CNTN6: variants seen among roughly 807,000 people sequenced by gnomAD.
CNTN6 encodes the protein contactin 6, also known as contactin-6.
Under a neutral mutation model 122.8 loss-of-function variants are expected in CNTN6, and 137 were observed. That is an observed-to-expected ratio of 1.12 (90% CI 0.97 to 1.29). The LOEUF (loss-of-function observed/expected upper bound fraction) is 1.29. Among genes scored for constraint, CNTN6 ranks in the 50% most tolerant of loss-of-function variants. CNTN6 has a pLI of 0.00. For missense variants in CNTN6, 1,634 were observed against 1,223.4 expected (o/e 1.34, Z -5.01); for synonymous variants, 570 against 426.0 (o/e 1.34, Z -4.16).
rs567156720 is a variant in CNTN6 at position 1,361,282 on chromosome 3, G to A, written c.1492+8831G>A. On this transcript the variant is annotated intron_variant, in intron 12 of 22. Transcript: ENST00000446702. ...TGGAAACCCAGTAATAGCTTCAAAA[G>A]CATTTGTCCTAATTCTTTGTTTCCC... Among the ~76,000 whole-genome samples the A allele has an allele frequency of 3.3e-5, 5 of 152,038 alleles. No homozygotes were observed. In the East Asian group the frequency reaches 7.7e-4, roughly 23 times the overall value.
chr3:1,179,423 G>T (rs545251094), intron 2 of CNTN6, among the ~76,000 whole-genome samples: 6 of 152,234 alleles, frequency 3.9e-5, no homozygotes, highest in African/African-American at 1.4e-4. Context: ...GCCCGGGAGC[G>T]TGGTGGTAAG....
At chr3:1,373,025 G>C in intron 14 of CNTN6, 70 bp downstream of exon 14, 2 of 884,640 alleles carry the variant, frequency 2.3e-6, no homozygotes, top group Non-Finnish European at 3.6e-6. Flanking sequence ...CTAAATTGTA[G>C]ACCTCTGAGA....
chr3:1,251,722 C>T (rs1310828541), intron 4 of CNTN6, among the ~76,000 whole-genome samples: 1 of 152,054 alleles, frequency 6.6e-6, no homozygotes, highest in Non-Finnish European at 1.5e-5. Flanking sequence ...TTGCCGGCAT[C>T]TTCAGTCTAG....
At chr3:1,297,630 G>GTTTTTTTTTT (rs1410740351) in intron 6 of CNTN6, among the ~76,000 whole-genome samples, 1 of 128,348 alleles carries the variant, frequency 7.8e-6, no homozygotes. Flanking sequence ...CGTTGTTGTT[G>GTTTTTTTTTT]TTTTTTTCTT....
Position 1,374,078 on chromosome 3 carries a change from A to G in CNTN6, c.2095+5A>G. 2.5e-6 allele frequency: 4 copies of G among 1,612,158 alleles called. No individual in the cohort carries two copies. The highest frequency in any genetic ancestry group is 3.4e-6 in the Non-Finnish European group (4 of 1,178,610). ...TGTTAAGAACTAAAGCATCAGGTAA[A>G]GAATCAATGTGTTCTAAAAGTGTGG... On this transcript the variant is annotated splice_donor_5th_base_variant and intron_variant, in intron 16 of 22. Transcript: ENST00000446702.
intron 1 of CNTN6, among the ~76,000 whole-genome samples, chr3:1,140,021 A>G (rs2092572192): frequency 1.3e-5 from 2 of 152,192 alleles, no homozygotes; most frequent in Admixed American, 1.3e-4. Context: ...TCTAGTTTAT[A>G]TTAACAATAT....
intron 1 of CNTN6, among the ~76,000 whole-genome samples, chr3:1,113,178 A>G (rs929067016): frequency 6.6e-6 from 1 of 152,194 alleles, no homozygotes; most frequent in Admixed American, 6.6e-5. Flanking sequence ...TAGAAGTAAT[A>G]TATTGCCTGT....
chr3:1,160,367 TAC>T (rs199666539), intron 2 of CNTN6, among the ~76,000 whole-genome samples: 196 of 112,278 alleles, frequency 1.7e-3, no homozygotes, highest in African/African-American at 2.3e-3. Context: ...TATATATATA[TAC>T]ACACTACCTA....
chr3:1,243,044 T>C (rs985491881), intron 4 of CNTN6, among the ~76,000 whole-genome samples: 29 of 152,116 alleles, frequency 1.9e-4, no homozygotes, highest in Non-Finnish European at 8.8e-5. Flanking sequence ...CTACGGGGCT[T>C]CCAAGGCAAT....
intron 5 of CNTN6, among the ~76,000 whole-genome samples, chr3:1,289,676 GTTTTTT>G (rs11438242): frequency 7.3e-6 from 1 of 137,810 alleles, no homozygotes; most frequent in Non-Finnish European, 1.5e-5. Flanking sequence ...GTTTTTTTGG[GTTTTTT>G]TTTTTTTTTT....
At chr3:1,365,676 A>G (rs1708114663) in intron 12 of CNTN6, among the ~76,000 whole-genome samples, 1 of 152,072 alleles carries the variant, frequency 6.6e-6, no homozygotes, top group Admixed American at 6.6e-5. Flanking sequence ...AAATAAATAA[A>G]CTTACTTTTA....
chr3:1,151,056 CTT>C (rs539202210), intron 2 of CNTN6, among the ~76,000 whole-genome samples: 1 of 152,086 alleles, frequency 6.6e-6, no homozygotes, highest in South Asian at 2.1e-4. Context: ...CTGCCTGCAC[CTT>C]TTTTCAGCCC....
chr3:1,344,183 G>T (rs1020887969), intron 11 of CNTN6, among the ~76,000 whole-genome samples: 1 of 152,052 alleles, frequency 6.6e-6, no homozygotes, highest in Non-Finnish European at 1.5e-5. Flanking sequence ...TATCTTGGTG[G>T]GGTTCCGCAG....
chr3:1,368,700 C>T (rs185584516), intron 12 of CNTN6, among the ~76,000 whole-genome samples: 92 of 151,832 alleles, frequency 6.1e-4, no homozygotes, highest in Non-Finnish European at 1.1e-3. Context: ...GATATAACCT[C>T]AATAAAGTAT....
chr3:1,402,529 C>T (rs186883843), intron 22 of CNTN6, 43 bp downstream of exon 22: 3 of 1,507,110 alleles, frequency 2.0e-6, no homozygotes, highest in Non-Finnish European at 2.7e-6. Context: ...TGAACCTAGA[C>T]AGCTGCAGCA....
chr3:1,393,705 T>C (rs1243194271), intron 20 of CNTN6, among the ~76,000 whole-genome samples: 1 of 151,584 alleles, frequency 6.6e-6, no homozygotes, highest in East Asian at 1.9e-4. Context: ...AGTGCAGTTA[T>C]TGAGCCAAGA....
At chr3:1,358,116 T>C (rs1667247133) in intron 12 of CNTN6, among the ~76,000 whole-genome samples, 1 of 151,878 alleles carries the variant, frequency 6.6e-6, no homozygotes, top group African/African-American at 2.4e-5. Context: ...TTCTTTTGTG[T>C]TTGGTGTCAT....
chr3:1,100,549 G>A lies in CNTN6; in HGVS notation c.-83+7429G>A, dbSNP rs182542343. ...AGCTCCTAAATCTTTCTTCCATTCT[G>A]AAAAATTCTCAGCTATTATATATTT... On this transcript the variant is annotated intron_variant, in intron 1 of 22. Transcript: ENST00000446702. Among the ~76,000 whole-genome samples, 162 of 152,102 alleles carry A rather than the reference G, an allele frequency of 1.1e-3. 1 individual carries two copies. Among genetic ancestry groups the A allele is most frequent in the Non-Finnish European group, 1.3e-3 (85 of 67,978 alleles).
At chr3:1,340,589 A>T (rs1420487218) in intron 11 of CNTN6, among the ~76,000 whole-genome samples, 1 of 152,208 alleles carries the variant, frequency 6.6e-6, no homozygotes, top group African/African-American at 2.4e-5. Context: ...TAAAATAGGT[A>T]TAAGACTGTG....
Sources: allele counts gnomAD v4.1 joint callset (sites outside exome capture counted in the v4.1 genomes callset), GRCh38; gene constraint gnomAD v4.1.1; transcripts MANE v1.5; gene names NCBI Gene and HGNC (gene_info 2026-07-23, HGNC 2026-07-21).